Variants in ZNF664 observed in about 807,000 individuals in gnomAD.
ZNF664 encodes zinc finger Organ of Corti 1.
ZNF664 carries 10 observed loss-of-function variants against 18.2 expected under a neutral mutation model. That is an observed-to-expected ratio of 0.55 (90% confidence interval 0.34 to 0.93). The LOEUF (loss-of-function observed/expected upper bound fraction) is 0.93. ZNF664 is among the 40% of genes least tolerant of loss of function. The pLI, the probability that ZNF664 is intolerant of heterozygous loss-of-function variation, is 0.02. For missense variants in ZNF664, 193 were observed against 319.0 expected (o/e 0.61, Z 3.01); for synonymous variants, 119 against 104.2 (o/e 1.14, Z -0.86).
rs1046146176 is a variant in ZNF664, at chr12:124,009,725, AG to A, written c.-660-1654del. Reference sequence around the variant, plus strand: ...GAGACAGGGTCTCCCTATGTTGCCCAGGCTGGTCTCAGACTCCTAGCCTCAA... The same window carrying A: ...GAGACAGGGTCTCCCTATGTTGCCCAGCTGGTCTCAGACTCCTAGCCTCAA... On this transcript the variant is annotated intron_variant, in intron 3 of 4. Coordinates refer to ENST00000337815, the MANE Select transcript of ZNF664 (RefSeq NM_152437.3). Among the ~76,000 whole-genome samples the A allele has an allele frequency of 7.0e-4, 107 of 152,280 alleles. 1 individual carries two copies. Among genetic ancestry groups the A allele is most frequent in the African/African-American group, 2.3e-3 (97 of 41,562 alleles).
chr12:123,987,671 A>G (rs1422964135), intron 2 of ZNF664, among the ~76,000 whole-genome samples: 3 of 152,172 alleles, frequency 2.0e-5, no homozygotes, highest in Non-Finnish European at 4.4e-5. Context: ...GTGAAAAAAC[A>G]CTATTGATTG....
intron 3 of ZNF664, among the ~76,000 whole-genome samples, chr12:124,008,683 C>CTGTCTGTCTCTTTCTTCCCCATT (rs1957100743): frequency 6.6e-6 from 1 of 151,892 alleles, no homozygotes. Flanking sequence ...CTCTGCCTGC[C>CTGTCTGTCTCTTTCTTCCCCATT]TGTCTGTCTC....
Position 124,012,860 on chromosome 12 carries a change from G to A in ZNF664, c.716G>A (p.Ser239Asn). 1.2e-6 allele frequency: 2 copies of A among 1,614,102 alleles called. No individual in the cohort carries two copies. The highest frequency in any genetic ancestry group is 1.7e-6 in the Non-Finnish European group (2 of 1,180,004). Residue 239 changes from serine (S) to asparagine (N), a missense_variant, in exon 5 of 5, where the codon AGT becomes AAT. Coordinates refer to ENST00000337815, the MANE Select transcript of ZNF664 (RefSeq NM_152437.3). Reference sequence around the variant, plus strand: ...GAGTGCGGAAAGGCCTTCAGTCAGAGTACGAGCCTCTGCATCCACCAGAGA... The same window carrying A: ...GAGTGCGGAAAGGCCTTCAGTCAGAATACGAGCCTCTGCATCCACCAGAGA... ...CDECGKAFSQ[S>N]TSLCIHQRVH...
intron 2 of ZNF664, among the ~76,000 whole-genome samples, chr12:123,975,617 C>A (rs940256325): frequency 6.6e-6 from 1 of 152,110 alleles, no homozygotes; most frequent in African/African-American, 2.4e-5. Flanking sequence ...TTTGTAATGA[C>A]AGGCTCTTAC....
At chr12:123,983,750 A>G (rs969497682) in intron 2 of ZNF664, among the ~76,000 whole-genome samples, 1 of 152,222 alleles carries the variant, frequency 6.6e-6, no homozygotes, top group Non-Finnish European at 1.5e-5. Context: ...GGGGTTTAAG[A>G]ATATTTCATT....
At position 124,013,044 on chromosome 12, in the gene ZNF664, G is replaced by T; in HGVS notation, c.*114G>T. The T allele has an allele frequency of 7.6e-7, 1 of 1,323,440 alleles. No individual in the cohort carries two copies. Among genetic ancestry groups the T allele is most frequent in the Non-Finnish European group, 1.0e-6 (1 of 980,868 alleles). The allele number at this position is 1,323,440 out of a possible 1,614,324, so 82.0% of individuals were successfully genotyped here. On this transcript the variant is annotated 3_prime_UTR_variant, in exon 5 of 5. Coordinates refer to ENST00000337815, the MANE Select transcript of ZNF664 (RefSeq NM_152437.3). ...TTTACGCAATCCCTAGCAGAACATTGTTTCTGAGGAGGCATATGTGAGATT... is the reference window on the plus strand; with the variant it reads ...TTTACGCAATCCCTAGCAGAACATTTTTTCTGAGGAGGCATATGTGAGATT...
rs140776110 is a variant in ZNF664 at position 124,012,271 on chromosome 12, A to G, written c.127A>G (p.Ile43Val). Residue 43 changes from isoleucine to valine, a missense_variant, in exon 5 of 5, where the codon ATA becomes GTA. Ile to Val is a conservative substitution (Grantham distance 29). Coordinates refer to ENST00000337815, the MANE Select transcript of ZNF664 (RefSeq NM_152437.3). ...CAAGTGTGATAAGGGTTTCTTTCAT[A>G]TATCAGAACTTCATATTCATTGGAG... is the stretch of plus-strand genomic sequence containing the variant. ...CDKCDKGFFH[I>V]SELHIHWRDH... is the part of the protein sequence containing the mutation. The G allele has an allele frequency of 2.5e-6, 4 of 1,614,118 alleles. No homozygotes were observed. Among genetic ancestry groups the G allele is most frequent in the African/African-American group, 2.7e-5 (2 of 74,942 alleles).
chr12:123,988,831 C>A (rs1481408310), intron 3 of ZNF664, among the ~76,000 whole-genome samples: 1 of 151,948 alleles, frequency 6.6e-6, no homozygotes, highest in Non-Finnish European at 1.5e-5. Context: ...ATTTGTTTAT[C>A]TTTATTTGGT....
At chr12:123,988,719 A>G (rs1956853311) in intron 3 of ZNF664, among the ~76,000 whole-genome samples, 1 of 152,002 alleles carries the variant, frequency 6.6e-6, no homozygotes, top group African/African-American at 2.4e-5. Context: ...TCCCAGCACA[A>G]CTATTTTTTT....
At position 124,013,720 on chromosome 12, in the gene ZNF664, G is replaced by A. The variant is rs1167166334; in HGVS notation, c.*790G>A. On this transcript the variant is annotated 3_prime_UTR_variant, in exon 5 of 5. Coordinates refer to ENST00000337815, the MANE Select transcript of ZNF664 (RefSeq NM_152437.3). ...GTAAATAGCAGGGAGGAAGAAGCAA[G>A]CAAAGTGAGAGCTTTTCTTCATCCA... 1 of 167,118 alleles carries A rather than the reference G, an allele frequency of 6.0e-6. No individual in the cohort carries two copies. Among genetic ancestry groups the A allele is most frequent in the Non-Finnish European group, 1.5e-5 (1 of 68,142 alleles). The allele number at this position is 167,118 out of a possible 1,614,324, so 10.4% of individuals were successfully genotyped here.
At chr12:123,982,826 T>C (rs1778544305) in intron 2 of ZNF664, among the ~76,000 whole-genome samples, 1 of 152,140 alleles carries the variant, frequency 6.6e-6, no homozygotes, top group African/African-American at 2.4e-5. Context: ...GAGTGAATCT[T>C]AGATTTAGCA....
chr12:123,992,216 T>C (rs1254618488), intron 3 of ZNF664, among the ~76,000 whole-genome samples: 1 of 152,038 alleles, frequency 6.6e-6, no homozygotes, highest in African/African-American at 2.4e-5. Flanking sequence ...GGGGACCAAG[T>C]AGGAAAGTGG....
chr12:123,999,175 A>C (rs1204583142), intron 3 of ZNF664, among the ~76,000 whole-genome samples: 1 of 152,218 alleles, frequency 6.6e-6, no homozygotes, highest in Non-Finnish European at 1.5e-5. Context: ...GAGATGAATC[A>C]CATGGTCATC....
intron 2 of ZNF664, among the ~76,000 whole-genome samples, chr12:123,976,454 G>A (rs909107915): frequency 1.6e-4 from 25 of 152,214 alleles, no homozygotes; most frequent in African/African-American, 5.3e-4. Flanking sequence ...ATAGACTATG[G>A]AGGTGAAGGG....
rs1185994994 is a variant in ZNF664, at chr12:124,011,865, AAAAC to A, written c.-276_-273del. 1.6e-6 allele frequency: 2 copies of A among 1,229,236 alleles called. No individual in the cohort carries two copies. Among genetic ancestry groups the A allele is most frequent in the Non-Finnish European group, 2.0e-6 (2 of 986,750 alleles). The allele number at this position is 1,229,236 out of a possible 1,614,324, so 76.1% of individuals were successfully genotyped here. On this transcript the variant is annotated 5_prime_UTR_variant, in exon 5 of 5. An upstream open reading frame in the 5' UTR gains an earlier in-frame stop. Coordinates refer to ENST00000337815, the MANE Select transcript of ZNF664 (RefSeq NM_152437.3). Reference sequence around the variant, plus strand: ...TTGGAATGTTGACAACTCAGGATCTAAAACAAAGTTCTGTGTTAATGAGTTACAG... The same window carrying A: ...TTGGAATGTTGACAACTCAGGATCTAAAAGTTCTGTGTTAATGAGTTACAG...
intron 3 of ZNF664, among the ~76,000 whole-genome samples, chr12:123,997,076 A>G (rs1370729401): frequency 2.0e-5 from 3 of 152,182 alleles, no homozygotes; most frequent in Admixed American, 2.0e-4. Flanking sequence ...AAGATTTTCT[A>G]TGAAATGTAA....
rs1179957258 is a variant in ZNF664 at position 124,013,616 on chromosome 12, A to G, written c.*686A>G. The stretch of plus-strand genomic sequence containing the variant: ...TTTTTTATTTGTGTGGATTCTGCTC[A>G]TCACTGTCTCTGTTAGACTTATTTT... On this transcript the variant is annotated 3_prime_UTR_variant, in exon 5 of 5. Coordinates refer to ENST00000337815, the MANE Select transcript of ZNF664 (RefSeq NM_152437.3). 1 of 167,400 alleles carries G rather than the reference A, an allele frequency of 6.0e-6. No individual in the cohort carries two copies. Among genetic ancestry groups the G allele is most frequent in the Non-Finnish European group, 1.5e-5 (1 of 68,372 alleles). The allele number at this position is 167,400 out of a possible 1,614,324, so 10.4% of individuals were successfully genotyped here. A position where few individuals can be genotyped will look rare whatever the true frequency, so the allele number is the denominator to read the frequency against.
intron 3 of ZNF664, among the ~76,000 whole-genome samples, chr12:123,990,043 A>G (rs1956871719): frequency 6.6e-6 from 1 of 152,236 alleles, no homozygotes; most frequent in Admixed American, 6.5e-5. Context: ...TGACCCAGGT[A>G]TAAAAATAGC....
chr12:123,995,904 G>T (rs1419855112), intron 3 of ZNF664, among the ~76,000 whole-genome samples: 1 of 152,234 alleles, frequency 6.6e-6, no homozygotes, highest in Non-Finnish European at 1.5e-5. Context: ...TGAGAGGGAA[G>T]ATCTGGGGAT....
Sources: gnomAD v4.1 joint callset for allele counts (sites outside exome capture counted in the v4.1 genomes callset) on GRCh38, gnomAD v4.1.1 for gene constraint, MANE v1.5 for transcripts, NCBI Gene and HGNC (gene_info 2026-07-23, HGNC 2026-07-21) for gene names.